MBTD1: variants seen among roughly 807,000 people sequenced by gnomAD.
MBTD1 encodes MBT domain-containing protein 1.
Under a neutral mutation model 87.8 loss-of-function variants are expected in MBTD1, and 24 were observed. The ratio of observed to expected loss-of-function variants is 0.27; its 90% CI spans 0.20 to 0.38. MBTD1 has a LOEUF of 0.38. Ranked by LOEUF, MBTD1 falls within the 10% of genes least tolerant of loss-of-function variation. The pLI, the probability that MBTD1 is intolerant of heterozygous loss-of-function variation, is 1.00. For missense variants in MBTD1, 436 were observed against 760.2 expected (o/e 0.57, Z 5.02); for synonymous variants, 237 against 248.6 (o/e 0.95, Z 0.44).
intron 2 of MBTD1, among the ~76,000 whole-genome samples, chr17:51,238,649 T>C (rs893359767): frequency 6.6e-6 from 1 of 152,200 alleles, no homozygotes; most frequent in Non-Finnish European, 1.5e-5. Context: ...CAACAGGCAC[T>C]TTCAACACTG....
At chr17:51,189,435 G>A (rs890920056) in intron 16 of MBTD1, among the ~76,000 whole-genome samples, 1 of 152,130 alleles carries the variant, frequency 6.6e-6, no homozygotes, top group African/African-American at 2.4e-5. Flanking sequence ...TTTTTTCAGT[G>A]AATCCAGAAC....
At chr17:51,209,196 A>G in intron 6 of MBTD1, 1 of 350,894 alleles carries the variant, frequency 2.8e-6, no homozygotes, top group Non-Finnish European at 5.7e-6. Flanking sequence ...AGGGCTTGAC[A>G]GCCATCTTCA....
At chr17:51,240,746 A>C (rs961888762) in intron 2 of MBTD1, among the ~76,000 whole-genome samples, 1 of 152,190 alleles carries the variant, frequency 6.6e-6, no homozygotes, top group Non-Finnish European at 1.5e-5. Flanking sequence ...TGTATACCCC[A>C]CATTTAAGGA....
At chr17:51,238,198 T>C (rs2053961321) in intron 2 of MBTD1, among the ~76,000 whole-genome samples, 2 of 152,178 alleles carry the variant, frequency 1.3e-5, no homozygotes, top group Admixed American at 6.5e-5. Context: ...CGTACACCTA[T>C]GTTTCTGTGC....
In MBTD1 at chr17:51,179,621, G is replaced by C. The variant is rs1177901855; in HGVS notation, c.*955C>G. 1 of 147,264 alleles carries C rather than the reference G, an allele frequency of 6.8e-6. No individual in the cohort carries two copies. Among genetic ancestry groups the C allele is most frequent in the Non-Finnish European group, 1.5e-5 (1 of 66,888 alleles). 9.1% of individuals were successfully genotyped at this position (147,264 alleles called of 1,614,324 possible). A position where few individuals can be genotyped will look rare whatever the true frequency, so the allele number is the denominator to read the frequency against. The stretch of plus-strand genomic sequence containing the variant: ...ATAAAAGCAGAGCTGGAATGATTTT[G>C]AAATCTAAACTTATTTTGGCTTTGA... On this transcript the variant is annotated 3_prime_UTR_variant, in exon 17 of 17. Transcript: ENST00000586178.
intron 1 of MBTD1, 37 bp from the exon 2 acceptor site, chr17:51,259,243 G>A (rs941079633): frequency 6.5e-6 from 8 of 1,230,932 alleles, no homozygotes; most frequent in Non-Finnish European, 7.1e-6. Context: ...AAAGGAGAAC[G>A]CAATGGTCAC....
intron 2 of MBTD1, chr17:51,251,110 T>C (rs1171517046): frequency 6.6e-6 from 1 of 152,194 alleles, no homozygotes; most frequent in Non-Finnish European, 1.5e-5. Context: ...CTTGGAGCAT[T>C]GTGTCAATTT....
chr17:51,190,817 A>G (rs2050773213), intron 16 of MBTD1, among the ~76,000 whole-genome samples: 1 of 143,602 alleles, frequency 7.0e-6, no homozygotes, highest in African/African-American at 2.7e-5. Context: ...GTGGTGGCTC[A>G]TGCCTGTAAT....
chr17:51,231,441 ATT>A (rs10717038), intron 2 of MBTD1, among the ~76,000 whole-genome samples: 3 of 151,342 alleles, frequency 2.0e-5, no homozygotes, highest in Non-Finnish European at 3.0e-5. Context: ...AGCTGTTAGT[ATT>A]TTTTTTTTAA....
chr17:51,215,320 T>C (rs1310427217), intron 6 of MBTD1, among the ~76,000 whole-genome samples: 1 of 152,210 alleles, frequency 6.6e-6, no homozygotes, highest in Non-Finnish European at 1.5e-5. Flanking sequence ...CATAGAGATT[T>C]TCTCATAAAT....
intron 7 of MBTD1, among the ~76,000 whole-genome samples, chr17:51,206,129 A>G (rs1313031934): frequency 6.6e-6 from 1 of 152,212 alleles, no homozygotes; most frequent in East Asian, 1.9e-4. Context: ...TGTCTACCAT[A>G]GTAGATTCCT....
chr17:51,247,260 A>C (rs941485390), intron 2 of MBTD1, among the ~76,000 whole-genome samples: 4 of 152,158 alleles, frequency 2.6e-5, no homozygotes, highest in Non-Finnish European at 5.9e-5. Context: ...AACTACATAA[A>C]TAGATTTCCA....
At chr17:51,212,317 C>A in intron 6 of MBTD1, among the ~76,000 whole-genome samples, 1 of 149,492 alleles carries the variant, frequency 6.7e-6, no homozygotes, top group Non-Finnish European at 1.5e-5. Context: ...GAGATCACAC[C>A]ACTGCACTCC....
intron 1 of MBTD1, among the ~76,000 whole-genome samples, 168 bp downstream of exon 1, chr17:51,259,667 A>C (rs1285782200): frequency 1.4e-5 from 2 of 146,800 alleles, no homozygotes; most frequent in Non-Finnish European, 1.5e-5. Context: ...GAACCCCTGA[A>C]TCGTTTAACG....
In MBTD1 at chr17:51,258,220, A is replaced by G. The variant is rs75018165; in HGVS notation, c.-49+923T>C. ...TGCTGGCTTTTAAATCACATGCATTATTTCTACATTATACCTGTTATGTCT... is the reference window on the plus strand; with the variant it reads ...TGCTGGCTTTTAAATCACATGCATTGTTTCTACATTATACCTGTTATGTCT... On this transcript the variant is annotated intron_variant, in intron 2 of 16. Coordinates refer to ENST00000586178, the MANE Select transcript of MBTD1 (RefSeq NM_017643.3). 2.3e-3 allele frequency among the ~76,000 whole-genome samples: 347 copies of G among 152,254 alleles called. 1 individual carries two copies. The highest frequency in any genetic ancestry group is 7.9e-3 in the African/African-American group (330 of 41,536).
chr17:51,260,240 G>A (rs929587099), upstream of MBTD1: 2 of 442,448 alleles, frequency 4.5e-6, no homozygotes, highest in African/African-American at 2.1e-5. Flanking sequence ...CAGCCAAGAG[G>A]AAAAGCAGAA....
chr17:51,253,460 G>A (rs549731449), intron 2 of MBTD1, among the ~76,000 whole-genome samples: 20 of 152,042 alleles, frequency 1.3e-4, no homozygotes, highest in Non-Finnish European at 2.8e-4. Context: ...GTAAAATACT[G>A]AGTGGAAAAA....
Position 51,179,508 on chromosome 17 carries a change from A to ATATATATT in MBTD1, c.*1067_*1068insAATATATA, listed in dbSNP as rs2050220112. 6.0e-5 allele frequency: 5 copies of ATATATATT among 83,788 alleles called. No individual in the cohort carries two copies. Among genetic ancestry groups the ATATATATT allele is most frequent in the Admixed American group, 1.2e-4 (1 of 8,244 alleles). 5.2% of individuals were successfully genotyped at this position (83,788 alleles called of 1,614,324 possible). ...TTTATATATATATATATATATATAT[A>ATATATATT]TATATATATATATATATATATATAT... On this transcript the variant is annotated 3_prime_UTR_variant, in exon 17 of 17. Coordinates refer to ENST00000586178, the MANE Select transcript of MBTD1 (RefSeq NM_017643.3).
chr17:51,213,446 G>A (rs1469716561), intron 6 of MBTD1, among the ~76,000 whole-genome samples: 1 of 151,796 alleles, frequency 6.6e-6, no homozygotes, highest in African/African-American at 2.4e-5. Context: ...TCTATACATT[G>A]CACCTAACTG....
Sources: allele counts gnomAD v4.1 joint callset (sites outside exome capture counted in the v4.1 genomes callset), GRCh38; gene constraint gnomAD v4.1.1; transcripts MANE v1.5; gene names NCBI Gene and HGNC (gene_info 2026-07-23, HGNC 2026-07-21).